PUDP: variants seen among roughly 807,000 people sequenced by gnomAD.
PUDP encodes the protein pseudouridine 5'-phosphatase.
PUDP carries 8 observed loss-of-function variants against 9.4 expected under a neutral mutation model. The observed-to-expected ratio is 0.85, with a 90% CI of 0.50 to 1.53. The LOEUF (loss-of-function observed/expected upper bound fraction) is 1.53, where lower values mean the gene tolerates loss of function less well. Among genes scored for constraint, PUDP ranks in the 40% most tolerant of loss-of-function variants. PUDP has a pLI of 0.00. For missense variants in PUDP, 188 were observed against 189.7 expected (o/e 0.99, Z 0.05); for synonymous variants, 99 against 80.7 (o/e 1.23, Z -1.22).
intron 1 of PUDP, among the ~76,000 whole-genome samples, chrX:6,983,436 A>T (rs146667231): frequency 0.011 from 1,253 of 111,523 alleles, 7 homozygotes; most frequent in Non-Finnish European, 0.018. Context: ...ATGCAAAAAC[A>T]TGAAAAAAAA....
intron 1 of PUDP, among the ~76,000 whole-genome samples, chrX:7,010,812 C>G (rs1311550395): frequency 1.8e-5 from 2 of 111,879 alleles, no homozygotes; most frequent in Non-Finnish European, 3.8e-5. Flanking sequence ...GTGCCCAGCC[C>G]GGCCTTCCTG....
At chrX:7,107,683 C>T (rs758084346) in intron 1 of PUDP, among the ~76,000 whole-genome samples, 1 of 112,194 alleles carries the variant, frequency 8.9e-6, no homozygotes, top group Non-Finnish European at 1.9e-5. Flanking sequence ...AAAAAACTAG[C>T]TGGGCATGGT....
intron 3 of PUDP, among the ~76,000 whole-genome samples, chrX:6,847,206 C>T (rs1411508670): frequency 9.0e-6 from 1 of 111,238 alleles, no homozygotes; most frequent in East Asian, 2.8e-4. Flanking sequence ...TTCCCTTTCT[C>T]GAAGGCAGGT....
chrX:6,858,080 C>T (rs765934528), intron 3 of PUDP, among the ~76,000 whole-genome samples: 1 of 111,124 alleles, frequency 9.0e-6, no homozygotes, highest in African/African-American at 3.3e-5. Context: ...TGACCTCTGG[C>T]GATGGGAGAC....
intron 3 of PUDP, among the ~76,000 whole-genome samples, chrX:6,837,692 G>A (rs185824737): frequency 9.0e-6 from 1 of 111,618 alleles, no homozygotes; most frequent in East Asian, 2.8e-4. Context: ...CTGGAATCTG[G>A]AATTCTAGAA....
At chrX:7,140,642 T>C (rs1463517905) in intron 1 of PUDP, among the ~76,000 whole-genome samples, 5 of 111,551 alleles carry the variant, frequency 4.5e-5, no homozygotes, top group Non-Finnish European at 9.4e-5. Flanking sequence ...CTCTAATATA[T>C]AGCTTTTCAA....
At chrX:6,870,575 T>G (rs1472945350) in intron 3 of PUDP, among the ~76,000 whole-genome samples, 2 of 112,253 alleles carry the variant, frequency 1.8e-5, no homozygotes, top group Non-Finnish European at 3.8e-5. Flanking sequence ...AAATCTTTCT[T>G]TTGTAAATTT....
At position 6,981,085 on chromosome X, in the gene PUDP, G is replaced by C. The variant is rs373543906; in HGVS notation, c.205-2742C>G. 2.7e-5 allele frequency among the ~76,000 whole-genome samples: 3 copies of C among 112,108 alleles called. No homozygotes were observed. In the East Asian group the frequency reaches 8.4e-4, roughly 31 times the overall value. ...AAAGCTCAAGGCTCCATAAATTGAT[G>C]TTGAATTGGATTGAAGCTGAGCTTC... On this transcript the variant is annotated intron_variant and NMD_transcript_variant, in intron 1 of 3. Transcript: ENST00000655425.
rs934329612 is a variant in PUDP at position 7,115,745 on chromosome X, G to C, written c.62-9907C>G. 6.0e-4 allele frequency among the ~76,000 whole-genome samples: 67 copies of C among 112,544 alleles called. 1 individual carries two copies. Among genetic ancestry groups the C allele is most frequent in the African/African-American group, 2.1e-3 (65 of 30,991 alleles). Reference sequence around the variant, plus strand: ...GTTTCACATTGCTCTCTATGCTCCTGGCACACAGCACAGAGCCCAGATCCT... The same window carrying C: ...GTTTCACATTGCTCTCTATGCTCCTCGCACACAGCACAGAGCCCAGATCCT... On this transcript the variant is annotated intron_variant, in intron 1 of 3. Coordinates refer to ENST00000381077, the MANE Select transcript of PUDP (RefSeq NM_012080.5).
intron 3 of PUDP, among the ~76,000 whole-genome samples, chrX:6,890,935 CAAAAAAAAAAAAAAAAAAA>C (rs764486249): frequency 3.0e-4 from 10 of 33,149 alleles, no homozygotes; most frequent in African/African-American, 1.5e-3. Flanking sequence ...CTCATCTCTC[CAAAAAAAAAAAAAAAAAAA>C]AAAAAAAAAA....
At chrX:7,134,663 G>A (rs1420037095) in intron 1 of PUDP, among the ~76,000 whole-genome samples, 11 of 111,831 alleles carry the variant, frequency 9.8e-5, no homozygotes, top group African/African-American at 1.6e-4. Context: ...GGCAAAAACC[G>A]TCATTACTTT....
intron 1 of PUDP, among the ~76,000 whole-genome samples, chrX:7,115,575 G>C (rs1191218877): frequency 3.6e-5 from 4 of 112,603 alleles, no homozygotes; most frequent in Non-Finnish European, 7.5e-5. Flanking sequence ...ACAGCAGAAA[G>C]GTTTCAGCCT....
chrX:6,759,800 A>G (rs138547368), intron 3 of PUDP, among the ~76,000 whole-genome samples: 336 of 112,051 alleles, frequency 3.0e-3, no homozygotes, highest in African/African-American at 0.01. Context: ...TGGCAAAAGT[A>G]CTGGCCTTAT....
At chrX:6,712,212 G>A (rs7876268) in intron 1 of PUDP, among the ~76,000 whole-genome samples, 7,987 of 111,621 alleles carry the variant, frequency 0.072, 298 homozygotes, top group African/African-American at 0.13. Context: ...GTGCAGTGGC[G>A]TAATGTCAGC....
chrX:7,017,931 G>T (rs1039681347), intron 1 of PUDP, among the ~76,000 whole-genome samples: 1 of 111,618 alleles, frequency 9.0e-6, no homozygotes, highest in Non-Finnish European at 1.9e-5. Context: ...GATAAAACAG[G>T]TTGCAGTAAA....
At chrX:7,007,837 A>T (rs1255137983) in intron 1 of PUDP, among the ~76,000 whole-genome samples, 3 of 112,325 alleles carry the variant, frequency 2.7e-5, no homozygotes, top group Non-Finnish European at 3.8e-5. Flanking sequence ...CTGCTGCCTA[A>T]TGTAAAAGGA....
chrX:6,800,053 C>T lies in PUDP; in HGVS notation c.*248-93587G>A, dbSNP rs181518210. On this transcript the variant is annotated intron_variant and NMD_transcript_variant, in intron 3 of 3. Coordinates refer to the PUDP transcript ENST00000655425. ...TTCACTGAAGTCTCCAAAATCCTAACAGACCCGAGCTACTTAACTAAAATG... is the reference window on the plus strand; with the variant it reads ...TTCACTGAAGTCTCCAAAATCCTAATAGACCCGAGCTACTTAACTAAAATG... Among the ~76,000 whole-genome samples, 12 of 111,689 alleles carry T rather than the reference C, an allele frequency of 1.1e-4. No individual in the cohort carries two copies. In the East Asian group the frequency reaches 3.1e-3, roughly 29 times the overall value.
At position 6,870,803 on chromosome X, in the gene PUDP, T is replaced by C. The variant is rs191703791; in HGVS notation, c.*247+106330A>G. Among the ~76,000 whole-genome samples, 214 of 112,302 alleles carry C rather than the reference T, an allele frequency of 1.9e-3. 1 individual carries two copies. The highest frequency in any genetic ancestry group is 6.8e-3 in the African/African-American group (212 of 30,985). ...GGGCAGGGGATGCAAACCCTGTCTC[T>C]TGATGGGAAGTGTCATAAATTTGCT... On this transcript the variant is annotated intron_variant and NMD_transcript_variant, in intron 3 of 3. Transcript: ENST00000655425.
intron 3 of PUDP, among the ~76,000 whole-genome samples, chrX:6,906,506 C>T (rs1361369315): frequency 2.7e-5 from 3 of 112,206 alleles, no homozygotes; most frequent in African/African-American, 9.7e-5. Flanking sequence ...AGGCCTCGAA[C>T]GCAGGCGCTT....
Sources: allele counts gnomAD v4.1 joint callset (sites outside exome capture counted in the v4.1 genomes callset), GRCh38; gene constraint gnomAD v4.1.1; transcripts MANE v1.5; gene names NCBI Gene and HGNC (gene_info 2026-07-23, HGNC 2026-07-21).